The following DPP10 variants were observed in gnomAD, a reference collection of about 807,000 sequenced individuals.
DPP10 encodes dipeptidyl peptidase like 10.
A neutral mutation model predicts 120.9 loss-of-function variants in DPP10; 33 were observed. That is an observed-to-expected ratio of 0.27 (90% CI 0.21 to 0.37). DPP10 has a LOEUF of 0.37. Among genes scored for constraint, DPP10 ranks in the 10% least tolerant of loss-of-function variants. The pLI is 1.00. For missense variants in DPP10, 816 were observed against 942.8 expected, an observed-to-expected ratio of 0.87 and a Z score of 1.76; for synonymous variants, 337 against 326.1, an observed-to-expected ratio of 1.03 and a Z score of -0.36.
At chr2:115,165,536 C>T (rs78376729) in intron 1 of DPP10, among the ~76,000 whole-genome samples, 9 of 152,126 alleles carry the variant, frequency 5.9e-5, no homozygotes, top group Non-Finnish European at 1.0e-4. Context: ...GTTAATATCA[C>T]GCTACTGATC....
intron 1 of DPP10, among the ~76,000 whole-genome samples, chr2:115,252,875 A>G (rs568428095): frequency 6.9e-4 from 105 of 152,354 alleles, no homozygotes; most frequent in African/African-American, 2.3e-3. Flanking sequence ...GCCAAAGGCA[A>G]AGTTGTTAAC....
At chr2:115,720,215 A>G (rs2092611341) in intron 7 of DPP10, among the ~76,000 whole-genome samples, 1 of 152,112 alleles carries the variant, frequency 6.6e-6, no homozygotes, top group Non-Finnish European at 1.5e-5. Context: ...TCTCTTTTTC[A>G]TTTTAGCCAT....
At chr2:115,253,455 C>T (rs1054466296) in intron 1 of DPP10, among the ~76,000 whole-genome samples, 3 of 152,098 alleles carry the variant, frequency 2.0e-5, no homozygotes, top group Non-Finnish European at 2.9e-5. Flanking sequence ...GTCCTAAGTC[C>T]AAAGTTCCAT....
intron 1 of DPP10, among the ~76,000 whole-genome samples, chr2:114,952,425 G>A (rs760170179): frequency 2.0e-5 from 3 of 152,094 alleles, no homozygotes; most frequent in Admixed American, 6.5e-5. Context: ...ACAGTATGAT[G>A]TGTTAGGATG....
Position 114,715,892 on chromosome 2 carries a change from CATA to C in DPP10, c.60+273059_60+273061del, listed in dbSNP as rs201729473. Among the ~76,000 whole-genome samples, 1,286 of 151,760 alleles carry C rather than the reference CATA, an allele frequency of 8.5e-3. 18 individuals carry two copies. Among genetic ancestry groups the C allele is most frequent in the African/African-American group, 0.03 (1,227 of 41,414 alleles). ...CTTTGTCTTATGATATGATCAAGGA[CATA>C]ATAAATATGAGCGAGTGAGCAAAAT... On this transcript the variant is annotated intron_variant, in intron 1 of 25. Coordinates refer to ENST00000410059, the MANE Select transcript of DPP10 (RefSeq NM_020868.6).
chr2:115,535,793 C>T (rs944672230), intron 5 of DPP10, among the ~76,000 whole-genome samples: 5 of 151,966 alleles, frequency 3.3e-5, no homozygotes, highest in African/African-American at 1.2e-4. Context: ...TTTCCTTGAG[C>T]AGCGATTTGT....
chr2:114,556,387 G>T (rs143386353), intron 1 of DPP10, among the ~76,000 whole-genome samples: 79 of 151,772 alleles, frequency 5.2e-4, no homozygotes, highest in African/African-American at 1.9e-3. Flanking sequence ...GAAGGAAAAG[G>T]AGAAATTAAG....
intron 3 of DPP10, among the ~76,000 whole-genome samples, chr2:115,367,212 T>C (rs965356262): frequency 1.1e-4 from 16 of 151,942 alleles, no homozygotes; most frequent in African/African-American, 2.9e-4. Context: ...TACCATGGCA[T>C]AGAGTTTTTT....
At chr2:114,524,440 A>T (rs1685327551) in intron 1 of DPP10, among the ~76,000 whole-genome samples, 1 of 152,258 alleles carries the variant, frequency 6.6e-6, no homozygotes. Context: ...CTAAGCATTA[A>T]GAATGTTTTC....
Position 115,681,311 on chromosome 2 carries a change from A to G in DPP10, c.442-8376A>G, listed in dbSNP as rs185564661. On this transcript the variant is annotated intron_variant, in intron 5 of 25. Coordinates refer to ENST00000410059, the MANE Select transcript of DPP10 (RefSeq NM_020868.6). Reference sequence around the variant, plus strand: ...TCTAAATAGCTATTAATAGGTAAATACATATATTATAATACTTGGAATTTA... The same window carrying G: ...TCTAAATAGCTATTAATAGGTAAATGCATATATTATAATACTTGGAATTTA... Among the ~76,000 whole-genome samples, 591 of 151,944 alleles carry G rather than the reference A, an allele frequency of 3.9e-3. 19 individuals are homozygous for G. Among genetic ancestry groups the G allele is most frequent in the Non-Finnish European group, 6.5e-4 (44 of 67,770 alleles).
intron 1 of DPP10, among the ~76,000 whole-genome samples, chr2:114,990,274 A>G (rs1279970971): frequency 5.3e-5 from 8 of 152,218 alleles, no homozygotes; most frequent in Admixed American, 5.2e-4. Flanking sequence ...CAACACAATC[A>G]TATAAAGAGA....
chr2:114,795,524 A>G (rs751835883), intron 1 of DPP10, among the ~76,000 whole-genome samples: 2 of 151,938 alleles, frequency 1.3e-5, no homozygotes, highest in Non-Finnish European at 2.9e-5. Flanking sequence ...AGTGCTCTCA[A>G]TGTGCTGAGT....
intron 1 of DPP10, among the ~76,000 whole-genome samples, chr2:114,742,486 C>CT (rs906138564): frequency 3.3e-5 from 5 of 152,100 alleles, no homozygotes; most frequent in East Asian, 1.9e-4. Flanking sequence ...TTAATAGCTG[C>CT]TTTTTTTTCT....
At chr2:115,566,241 GTATT>G (rs1309970736) in intron 5 of DPP10, among the ~76,000 whole-genome samples, 1 of 151,958 alleles carries the variant, frequency 6.6e-6, no homozygotes, top group Non-Finnish European at 1.5e-5. Context: ...TCATTTAAAA[GTATT>G]TATAATTTTC....
chr2:115,600,382 A>G lies in DPP10; in HGVS notation c.441+74410A>G, dbSNP rs2149211582. ...TGATAATGTAATAACTTTCTCTCAGATGAATAAGTATTTTAATAGATTTTC... is the reference window on the plus strand; with the variant it reads ...TGATAATGTAATAACTTTCTCTCAGGTGAATAAGTATTTTAATAGATTTTC... On this transcript the variant is annotated intron_variant, in intron 5 of 25. Coordinates refer to ENST00000410059, the MANE Select transcript of DPP10 (RefSeq NM_020868.6). 1.3e-5 allele frequency among the ~76,000 whole-genome samples: 2 copies of G among 152,334 alleles called. 1 individual carries two copies. The highest frequency in any genetic ancestry group is 1.3e-4 in the Admixed American group (2 of 15,298).
intron 3 of DPP10, among the ~76,000 whole-genome samples, chr2:115,411,895 A>G (rs2068983332): frequency 1.3e-5 from 2 of 152,192 alleles, no homozygotes; most frequent in Admixed American, 6.5e-5. Context: ...ATGTTCCACC[A>G]TGATTCTCTC....
intron 1 of DPP10, among the ~76,000 whole-genome samples, chr2:114,545,904 T>A (rs34133354): frequency 0.013 from 2,040 of 152,306 alleles, 15 homozygotes; most frequent in Middle Eastern, 0.024. Context: ...TTATCTTTGC[T>A]GCTGCCATTT....
intron 7 of DPP10, among the ~76,000 whole-genome samples, chr2:115,707,198 A>G (rs2092145219): frequency 6.6e-6 from 1 of 152,092 alleles, no homozygotes; most frequent in East Asian, 1.9e-4. Context: ...TGAAAAAAGT[A>G]GATAGGAAAT....
chr2:115,242,390 T>A (rs2058328330), intron 1 of DPP10, among the ~76,000 whole-genome samples: 1 of 152,172 alleles, frequency 6.6e-6, no homozygotes, highest in Non-Finnish European at 1.5e-5. Context: ...TATCCCACAG[T>A]TTTTTTATCC....
Sources: gnomAD v4.1 joint callset for allele counts (sites outside exome capture counted in the v4.1 genomes callset) on GRCh38, gnomAD v4.1.1 for gene constraint, MANE v1.5 for transcripts, NCBI Gene and HGNC (gene_info 2026-07-23, HGNC 2026-07-21) for gene names.